Variants in PRPF8 observed in about 807,000 individuals in gnomAD.
PRPF8 encodes the protein pre-mRNA-processing-splicing factor 8.
In PRPF8, 64 loss-of-function variants were observed where a neutral mutation model predicts 285.9. The ratio of observed to expected loss-of-function variants is 0.22; its 90% confidence interval spans 0.18 to 0.28. The LOEUF (loss-of-function observed/expected upper bound fraction) is 0.28, where lower values mean the gene tolerates loss of function less well. Ranked by LOEUF, PRPF8 falls within the 10% of genes least tolerant of loss-of-function variation. The probability of loss-of-function intolerance (pLI) is 1.00; values close to 1 mark genes in which losing one functional copy is unlikely to be tolerated. For synonymous variants in PRPF8, 1,325 were observed against 1,118.2 expected (o/e 1.18, Z -3.69); for missense variants, 1,426 against 3,026.7 (o/e 0.47, Z 12.41).
chr17:1,669,327 G>A (rs775831108), intron 24 of PRPF8, among the ~76,000 whole-genome samples: 13 of 152,192 alleles, frequency 8.5e-5, no homozygotes, highest in South Asian at 2.1e-4. Context: ...GGCTGGTCTC[G>A]AACTCCTGAC....
intron 8 of PRPF8, chr17:1,680,419 G>C (rs1912847165): frequency 2.1e-6 from 1 of 475,654 alleles, no homozygotes; most frequent in Non-Finnish European, 3.8e-6. Context: ...TAACTTGTAT[G>C]GTATGTTAAC....
Position 1,659,452 on chromosome 17 carries a change from C to T in PRPF8, c.5043G>A (p.Arg1681=). 6.2e-7 allele frequency: 1 copy of T among 1,614,028 alleles called. No homozygotes were observed. Among genetic ancestry groups the T allele is most frequent in the Non-Finnish European group, 8.5e-7 (1 of 1,180,022 alleles). ...CGGTGGTGTAGTCCAGGAACTTGGC[C>T]CGGGCGTAGCGCTCAATGTCGTGGG... ...YDSHDIERYA[R]AKFLDYTTDN... The change falls in exon 32 of 43, where the codon CGG becomes CGA. Residue 1681 remains arginine (R), a synonymous_variant. Transcript: ENST00000304992. This position sits in a 1 kb window ranked among gnomAD's most constrained non-coding sequence, Gnocchi z 5.1.
In PRPF8 at chr17:1,655,460, A is replaced by C; in HGVS notation, c.5877T>G (p.Thr1959=). ...AGATGTGGTGTGGTTCTGTAATAGTAGTCTTGTCTGGCTTCAGGATCACTT... is the reference window on the plus strand; with the variant it reads ...AGATGTGGTGTGGTTCTGTAATAGTCGTCTTGTCTGGCTTCAGGATCACTT... The part of the protein sequence containing the change: ...RAKVILKPDK[T]TITEPHHIWP... Residue 1959 remains threonine, a synonymous_variant, in exon 37 of 43, where the codon ACT becomes ACG. Transcript: ENST00000304992. 6.2e-7 allele frequency: 1 copy of C among 1,614,012 alleles called. No individual in the cohort carries two copies. The highest frequency in any genetic ancestry group is 8.5e-7 in the Non-Finnish European group (1 of 1,179,990).
chr17:1,656,896 G>A, intron 34 of PRPF8, 135 bp from the exon 35 acceptor site: 2 of 849,024 alleles, frequency 2.4e-6, no homozygotes, highest in Non-Finnish European at 3.8e-6. Context: ...GCACTTAGAA[G>A]GTACAAAGAG....
chr17:1,682,505 T>C (rs1912985503), intron 3 of PRPF8, among the ~76,000 whole-genome samples: 1 of 152,170 alleles, frequency 6.6e-6, no homozygotes, highest in African/African-American at 2.4e-5. Context: ...AATCCCACAA[T>C]GCTGGTATCA....
chr17:1,682,722 C>T (rs1913003060), intron 3 of PRPF8, among the ~76,000 whole-genome samples: 1 of 152,226 alleles, frequency 6.6e-6, no homozygotes. Flanking sequence ...CCCCAGCAGC[C>T]AGCACAGTTC....
chr17:1,654,056 C>A (rs769104787), intron 37 of PRPF8, 40 bp from the exon 38 acceptor site: 2 of 1,613,896 alleles, frequency 1.2e-6, no homozygotes, highest in African/African-American at 2.7e-5. Context: ...GGATCCCTTC[C>A]CCTTGGTCAC....
Position 1,658,319 on chromosome 17 carries a change from G to T in PRPF8, c.5439C>A (p.Arg1813=). Residue 1813 remains arginine, a synonymous_variant, in exon 34 of 43, where the codon CGC becomes CGA. Transcript: ENST00000304992. This position sits in a 1 kb window ranked among gnomAD's most constrained non-coding sequence, Gnocchi z 4.1. ...TTATCTTGAGGAACAGCTGCCCTGTGCGTGGGTTGAAGATGAAGATGGCTC... is the reference window on the plus strand; with the variant it reads ...TTATCTTGAGGAACAGCTGCCCTGTTCGTGGGTTGAAGATGAAGATGGCTC... ...INGAIFIFNP[R]TGQLFLKIIH... 6.2e-7 allele frequency: 1 copy of T among 1,614,214 alleles called. No individual in the cohort carries two copies.
rs536936214 is a variant in PRPF8, at chr17:1,652,516, A to G, written c.6370-728T>C. Among the ~76,000 whole-genome samples the G allele has an allele frequency of 5.3e-5, 8 of 152,312 alleles. No homozygotes were observed. The South Asian group carries it at 1.4e-3, about 28-fold the overall frequency. On this transcript the variant is annotated intron_variant, in intron 39 of 42. Coordinates refer to ENST00000304992, the MANE Select transcript of PRPF8 (RefSeq NM_006445.4). ...GGCCCAAAATGATGTTTTATAAACT[A>G]TAATATCCCTGATACACTAGTAAAG...
At position 1,651,869 on chromosome 17, in the gene PRPF8, T is replaced by G. The variant is rs1230795197; in HGVS notation, c.6370-81A>C. The G allele has an allele frequency of 1.5e-5, 23 of 1,525,932 alleles. No homozygotes were observed. The highest frequency in any genetic ancestry group is 2.0e-5 in the Non-Finnish European group (22 of 1,104,220). 94.5% of individuals were successfully genotyped at this position (1,525,932 alleles called of 1,614,324 possible). A position where few individuals can be genotyped will look rare whatever the true frequency, so the allele number is the denominator to read the frequency against. On this transcript the variant is annotated intron_variant, in intron 39 of 42. Transcript: ENST00000304992. The surrounding 1 kb of genome is among the most constrained non-coding windows in gnomAD (Gnocchi z 5.1). ...AGCTGCCAGCCCTCTGTTTCCTTCC[T>G]TCCCCCAAGAACGAGGACAGAGTTT...
At chr17:1,668,486 CT>C (rs1311165161) in intron 24 of PRPF8, among the ~76,000 whole-genome samples, 1 of 151,536 alleles carries the variant, frequency 6.6e-6, no homozygotes, top group Admixed American at 6.6e-5. Context: ...ATCAGCCCCC[CT>C]GAGTAGCTGG....
chr17:1,662,082 T>C lies in PRPF8; in HGVS notation c.3846A>G (p.Gln1282=), dbSNP rs1226313451. The C allele has an allele frequency of 2.5e-6, 4 of 1,614,054 alleles. No homozygotes were observed. Among genetic ancestry groups the C allele is most frequent in the South Asian group, 2.2e-5 (2 of 91,082 alleles). ...ACTTCACCAGTAAGTCCAAGAGCTC[T>C]TGGGTGTTCACCACAGCCTCCCGAA... is the stretch of plus-strand genomic sequence containing the variant. ...TYFREAVVNT[Q]ELLDLLVKCE... is the part of the protein sequence containing the mutation. Residue 1282 remains glutamine, a synonymous_variant, in exon 25 of 43, where the codon CAA becomes CAG. Transcript: ENST00000304992.
Position 1,679,853 on chromosome 17 carries a change from T to A in PRPF8, c.1099-54A>T. 1 of 1,593,736 alleles carries A rather than the reference T, an allele frequency of 6.3e-7. No individual in the cohort carries two copies. Among genetic ancestry groups the A allele is most frequent in the South Asian group, 1.1e-5 (1 of 90,714 alleles). On this transcript the variant is annotated intron_variant, in intron 8 of 42. Coordinates refer to ENST00000304992, the MANE Select transcript of PRPF8 (RefSeq NM_006445.4). This position sits in a 1 kb window ranked among gnomAD's most constrained non-coding sequence, Gnocchi z 4.7. ...GCTCCTGCTGAACTAGGCACAGACT[T>A]AAGATGAGGGAAATTCTCTGGGGCC...
chr17:1,662,217 T>C (rs966095898), intron 24 of PRPF8, 64 bp from the exon 25 acceptor site: 6 of 1,570,286 alleles, frequency 3.8e-6, no homozygotes, highest in African/African-American at 2.7e-5. Context: ...TGGAGACTAC[T>C]TGATGCAGTT....
At chr17:1,669,220 C>A (rs1912170361) in intron 24 of PRPF8, among the ~76,000 whole-genome samples, 1 of 152,204 alleles carries the variant, frequency 6.6e-6, no homozygotes, top group African/African-American at 2.4e-5. Context: ...AATTCTCCTG[C>A]CTCAGCCTCC....
In PRPF8 at chr17:1,673,955, C is replaced by T. The variant is rs1047644212; in HGVS notation, c.3300-63G>A. ...ACTGAGATTTGGGACACCCACAAGT[C>T]CTCCAGCTCAATAGACGGAGACCCC... is the stretch of plus-strand genomic sequence containing the variant. On this transcript the variant is annotated intron_variant, in intron 21 of 42. Transcript: ENST00000304992. The surrounding 1 kb of genome is among the most constrained non-coding windows in gnomAD (Gnocchi z 5.5). 2.5e-6 allele frequency: 4 copies of T among 1,594,154 alleles called. No homozygotes were observed. The highest frequency in any genetic ancestry group is 3.4e-6 in the Non-Finnish European group (4 of 1,171,876).
rs779488719 is a variant in PRPF8, at chr17:1,650,928, A to C, written c.6882T>G (p.Tyr2294Ter). The C allele has an allele frequency of 6.2e-7, 1 of 1,614,156 alleles. No homozygotes were observed. The part of the protein sequence containing the change: ...MGVRHDPNMK[Y>*]ELQLANPKEF... ...CTTTGGGGTTCGCCAGCTGTAGCTCATATTTCATGTTGGGGTCATGCCGAA... is the reference window on the plus strand; with the variant it reads ...CTTTGGGGTTCGCCAGCTGTAGCTCCTATTTCATGTTGGGGTCATGCCGAA... The change falls in exon 43 of 43, where the codon TAT becomes TAG. Residue 2294 changes from tyrosine to a stop codon, truncating the protein, a stop_gained. Coordinates refer to ENST00000304992, the MANE Select transcript of PRPF8 (RefSeq NM_006445.4). LOFTEE classifies it high-confidence loss of function.
chr17:1,679,555 T>A lies in PRPF8; in HGVS notation c.1289+54A>T. 6.2e-7 allele frequency: 1 copy of A among 1,602,364 alleles called. No individual in the cohort carries two copies. On this transcript the variant is annotated intron_variant, in intron 9 of 42. Transcript: ENST00000304992. This position sits in a 1 kb window ranked among gnomAD's most constrained non-coding sequence, Gnocchi z 4.7. ...AGGCTACATGCCCACCTAGTTGGAG[T>A]CTTTTCTCCTACACATCCACTATCA...
chr17:1,684,384 G>T, intron 2 of PRPF8, 88 bp downstream of exon 2: 1 of 1,326,184 alleles, frequency 7.5e-7, no homozygotes, highest in Non-Finnish European at 1.1e-6. Flanking sequence ...CTCAGGAGCT[G>T]CCCAAACGGG....
Sources: gnomAD v4.1 joint callset for allele counts (sites outside exome capture counted in the v4.1 genomes callset) on GRCh38, gnomAD v4.1.1 for gene constraint, Gnocchi (gnomAD v3.1) non-coding constraint, MANE v1.5 for transcripts, NCBI Gene and HGNC (gene_info 2026-07-23, HGNC 2026-07-21) for gene names.